The following PLEKHA5 variants were observed in gnomAD, a reference collection of about 807,000 sequenced individuals.
The protein encoded by PLEKHA5 is pleckstrin homology domain containing A5.
PLEKHA5 carries 55 observed loss-of-function variants against 181.9 expected under a neutral mutation model. That is an observed-to-expected ratio of 0.30 (90% CI 0.24 to 0.38). The LOEUF (loss-of-function observed/expected upper bound fraction) is 0.38, where lower values mean the gene tolerates loss of function less well. Ranked by LOEUF, PLEKHA5 falls within the 10% of genes least tolerant of loss-of-function variation. The pLI, the probability that PLEKHA5 is intolerant of heterozygous loss-of-function variation, is 1.00. For missense variants in PLEKHA5, 1,432 were observed against 1,549.5 expected, an observed-to-expected ratio of 0.92 and a Z score of 1.27; for synonymous variants, 535 against 529.4, an observed-to-expected ratio of 1.01 and a Z score of -0.15.
chr12:19,230,453 G>A (rs796138162), intron 3 of PLEKHA5, among the ~76,000 whole-genome samples: 9 of 152,288 alleles, frequency 5.9e-5, no homozygotes, highest in African/African-American at 2.2e-4. Context: ...GGAACCCATG[G>A]CGGAGGGGAG....
chr12:19,307,982 CAAG>C (rs1202684948), intron 15 of PLEKHA5, among the ~76,000 whole-genome samples: 6 of 150,664 alleles, frequency 4.0e-5, no homozygotes, highest in South Asian at 4.2e-4. Flanking sequence ...GATCAACAAG[CAAG>C]AAGAAGAGTA....
chr12:19,361,443 A>G (rs1016807987), intron 28 of PLEKHA5, 139 bp from the exon 29 acceptor site: 3 of 558,352 alleles, frequency 5.4e-6, no homozygotes, highest in African/African-American at 1.9e-5. Flanking sequence ...TCGGCCTCCC[A>G]AAGTGCTGGG....
rs773081493 is a variant in PLEKHA5, at chr12:19,253,922, C to CT, written c.228-12dup. On this transcript the variant is annotated splice_polypyrimidine_tract_variant and intron_variant, in intron 3 of 31. Transcript: ENST00000429027. ...TTAAATACCTGCATGTTCTGTTTTT[C>CT]TTTTTTCCTTTTTTCAGCCATAATG... 40 of 1,465,934 alleles carry CT rather than the reference C, an allele frequency of 2.7e-5. No individual in the cohort carries two copies. In the East Asian group the frequency reaches 4.8e-4, roughly 17 times the overall value. 90.8% of individuals were successfully genotyped at this position (1,465,934 alleles called of 1,614,324 possible).
intron 5 of PLEKHA5, 70 bp downstream of exon 5, chr12:19,255,235 A>G: frequency 1.1e-6 from 1 of 896,394 alleles, no homozygotes; most frequent in Non-Finnish European, 1.6e-6. Flanking sequence ...CTCATAATGG[A>G]CTTAAAAGTA....
chr12:19,354,044 C>G, intron 26 of PLEKHA5, 42 bp downstream of exon 26: 1 of 826,834 alleles, frequency 1.2e-6, no homozygotes, highest in East Asian at 2.9e-5. Flanking sequence ...ATTCTCACAT[C>G]TATTTATTGC....
At chr12:19,215,717 A>G (rs2057841076) in intron 3 of PLEKHA5, among the ~76,000 whole-genome samples, 1 of 152,232 alleles carries the variant, frequency 6.6e-6, no homozygotes. Flanking sequence ...TGTTCTAGCC[A>G]ACAAGAGCTA....
chr12:19,234,403 C>T (rs1385087431), intron 3 of PLEKHA5, among the ~76,000 whole-genome samples: 2 of 152,148 alleles, frequency 1.3e-5, no homozygotes, highest in East Asian at 1.9e-4. Flanking sequence ...TGTGTTTTCC[C>T]TGTGGCAGTC....
rs1003337541 is a variant in PLEKHA5 at position 19,130,922 on chromosome 12, A to T, written c.169+792A>T. 1 of 150,816 alleles carries T rather than the reference A, an allele frequency of 6.6e-6. No homozygotes were observed. The highest frequency in any genetic ancestry group is 6.6e-5 in the Admixed American group (1 of 15,146). The allele number at this position is 150,816 out of a possible 1,614,324, so 9.3% of individuals were successfully genotyped here. On this transcript the variant is annotated intron_variant, in intron 2 of 31. Transcript: ENST00000429027. This position sits in a 1 kb window ranked among gnomAD's most constrained non-coding sequence, Gnocchi z 4.5. ...GCGAGGGGGTGTCCCGTATGGGGGC[A>T]CCCGGGCCCTGTTTGGAGGGAGTCC...
intron 28 of PLEKHA5, among the ~76,000 whole-genome samples, chr12:19,360,302 CA>C (rs11317195): frequency 0.9 from 132,761 of 147,322 alleles, 60,751 homozygotes; most frequent in Non-Finnish European, 0.99. Context: ...GATCCTGTTT[CA>C]AAAAAAAAAA....
chr12:19,256,277 C>CT (rs1278278375), intron 5 of PLEKHA5, among the ~76,000 whole-genome samples: 1 of 152,120 alleles, frequency 6.6e-6, no homozygotes, highest in African/African-American at 2.4e-5. Context: ...ACACAGCACA[C>CT]TAACAACAGT....
chr12:19,131,593 A>G (rs953141567), intron 2 of PLEKHA5, among the ~76,000 whole-genome samples: 1 of 152,194 alleles, frequency 6.6e-6, no homozygotes, highest in Non-Finnish European at 1.5e-5. Context: ...TATGAGTGAT[A>G]TAAATAAGTG....
chr12:19,150,840 A>G (rs748219660), intron 3 of PLEKHA5: 1 of 152,240 alleles, frequency 6.6e-6, no homozygotes, highest in Non-Finnish European at 1.5e-5. Context: ...AAGACAGATG[A>G]GCAGGAGAGT....
chr12:19,143,104 C>CT (rs1418030129), intron 3 of PLEKHA5, among the ~76,000 whole-genome samples: 1 of 152,148 alleles, frequency 6.6e-6, no homozygotes, highest in Admixed American at 6.5e-5. Context: ...ACAGATGTTC[C>CT]TATGAGGTGG....
In PLEKHA5 at chr12:19,283,434, T is replaced by G; in HGVS notation, c.1468T>G (p.Leu490Val). The G allele has an allele frequency of 6.2e-7, 1 of 1,613,952 alleles. No individual in the cohort carries two copies. The highest frequency in any genetic ancestry group is 1.7e-5 in the Admixed American group (1 of 59,988). The part of the protein sequence containing the change: ...SVTPSTHDKT[L>V]GPGAEEKRRS... ...AACCCCTTCCACTCATGACAAGACA[T>G]TAGGACCCGGAGCGGAGGAGAAACG... Residue 490 changes from leucine to valine, a missense_variant, in exon 12 of 32, where the codon TTA (leucine) becomes GTA (valine). Leu to Val is a conservative substitution (Grantham distance 32). Transcript: ENST00000429027.
At chr12:19,219,824 G>T (rs1565481511) in intron 3 of PLEKHA5, among the ~76,000 whole-genome samples, 1 of 151,976 alleles carries the variant, frequency 6.6e-6, no homozygotes, top group Non-Finnish European at 1.5e-5. Flanking sequence ...TTTGGTGTGG[G>T]TATGGATGGG....
Position 19,222,868 on chromosome 12 carries a change from C to T in PLEKHA5, c.228-31072C>T, listed in dbSNP as rs73347014. Among the ~76,000 whole-genome samples the T allele has an allele frequency of 5.9e-3, 905 of 152,152 alleles. 9 individuals carry two copies. The highest frequency in any genetic ancestry group is 0.017 in the African/African-American group (716 of 41,494). ...TTGAACACCACACTTCGGGGGGTAG[C>T]TGCCAGTTTGCTTTAATTTTGGCCT... On this transcript the variant is annotated intron_variant, in intron 3 of 31. Coordinates refer to ENST00000429027, the MANE Select transcript of PLEKHA5 (RefSeq NM_001256470.2).
chr12:19,342,659 C>G (rs1480796861), intron 21 of PLEKHA5, among the ~76,000 whole-genome samples: 1 of 152,098 alleles, frequency 6.6e-6, no homozygotes, highest in African/African-American at 2.4e-5. Flanking sequence ...GTGCCGTAAT[C>G]CCCACTACTG....
intron 3 of PLEKHA5, among the ~76,000 whole-genome samples, chr12:19,157,450 A>G (rs1219358153): frequency 6.6e-6 from 1 of 152,124 alleles, no homozygotes; most frequent in Non-Finnish European, 1.5e-5. Flanking sequence ...GGTAGAGATA[A>G]CATACTGCAT....
intron 3 of PLEKHA5, among the ~76,000 whole-genome samples, chr12:19,166,026 C>T (rs2044289668): frequency 6.6e-6 from 1 of 152,102 alleles, no homozygotes; most frequent in Non-Finnish European, 1.5e-5. Context: ...TAGATGGCAA[C>T]TGAGGCAAAA....
Sources: gnomAD v4.1 joint callset for allele counts (sites outside exome capture counted in the v4.1 genomes callset) on GRCh38, gnomAD v4.1.1 for gene constraint, Gnocchi (gnomAD v3.1) non-coding constraint, MANE v1.5 for transcripts, NCBI Gene and HGNC (gene_info 2026-07-23, HGNC 2026-07-21) for gene names.